Variants in RBPMS observed in about 807,000 individuals in gnomAD.
The protein encoded by RBPMS is RNA-binding protein with multiple splicing.
RBPMS carries 7 observed loss-of-function variants against 26.8 expected under a neutral mutation model. The ratio of observed to expected loss-of-function variants is 0.26; its 90% confidence interval spans 0.15 to 0.49. RBPMS has a LOEUF of 0.49. Among genes scored for constraint, RBPMS ranks in the 20% least tolerant of loss-of-function variants. The probability of loss-of-function intolerance (pLI) is 0.98; values close to 1 mark genes in which losing one functional copy is unlikely to be tolerated. For synonymous variants in RBPMS, 96 were observed against 93.3 expected, an observed-to-expected ratio of 1.03 and a Z score of -0.17; for missense variants, 186 against 250.0, an observed-to-expected ratio of 0.74 and a Z score of 1.73.
intron 4 of RBPMS, among the ~76,000 whole-genome samples, chr8:30,502,733 G>T (rs1330284517): frequency 6.6e-6 from 1 of 152,152 alleles, no homozygotes; most frequent in East Asian, 1.9e-4. Context: ...GCTTTGTTAG[G>T]GTGGAAGTTG....
chr8:30,558,353 G>C (rs1827150140), intron 6 of RBPMS: 1 of 171,180 alleles, frequency 5.8e-6, no homozygotes, highest in Admixed American at 5.7e-5. Context: ...AGGGTGAACA[G>C]AGGGCCTGGG....
At chr8:30,507,132 A>T (rs1821155626) in intron 5 of RBPMS, among the ~76,000 whole-genome samples, 14 of 152,174 alleles carry the variant, frequency 9.2e-5, no homozygotes, top group Admixed American at 9.2e-4. Context: ...GTTGCAACTT[A>T]GCTGGGTAGA....
At chr8:30,538,030 A>G (rs1434131687) in intron 5 of RBPMS, among the ~76,000 whole-genome samples, 3 of 152,226 alleles carry the variant, frequency 2.0e-5, no homozygotes, top group African/African-American at 4.8e-5. Flanking sequence ...GTAGAAATCA[A>G]TGCTATAGGT....
At chr8:30,433,413 C>T (rs1812141144) in intron 1 of RBPMS, among the ~76,000 whole-genome samples, 1 of 152,122 alleles carries the variant, frequency 6.6e-6, no homozygotes, top group African/African-American at 2.4e-5. Context: ...GAGTAATTTA[C>T]CAGGTTCTAC....
rs551957888 is a variant in RBPMS at position 30,500,067 on chromosome 8, TC to T, written c.247-4216del. Among the ~76,000 whole-genome samples the T allele has an allele frequency of 2.0e-5, 3 of 152,338 alleles. No individual in the cohort carries two copies. In the South Asian group the frequency reaches 6.2e-4, roughly 32 times the overall value. On this transcript the variant is annotated intron_variant, in intron 4 of 8. Transcript: ENST00000397323. ...AAAACATAGCTGGTTGAATGCTGTG[TC>T]CCAGTAGGAAATCCCTTATTCCACC...
intron 5 of RBPMS, among the ~76,000 whole-genome samples, chr8:30,508,451 C>T (rs1821275234): frequency 6.6e-6 from 1 of 152,142 alleles, no homozygotes; most frequent in African/African-American, 2.4e-5. Context: ...TCTCAGTTTT[C>T]TCAGCTACAC....
chr8:30,438,408 G>C (rs1020275825), intron 1 of RBPMS, among the ~76,000 whole-genome samples: 3 of 152,206 alleles, frequency 2.0e-5, no homozygotes, highest in African/African-American at 7.2e-5. Context: ...ATTACTGCAA[G>C]GAAGGAGGAA....
intron 5 of RBPMS, among the ~76,000 whole-genome samples, chr8:30,532,386 T>C (rs1436112140): frequency 2.6e-5 from 4 of 152,226 alleles, no homozygotes; most frequent in African/African-American, 9.6e-5. Context: ...TCCTTACCTT[T>C]TTTCCTATAT....
chr8:30,478,968 A>C (rs1817993612), intron 3 of RBPMS, among the ~76,000 whole-genome samples: 1 of 152,200 alleles, frequency 6.6e-6, no homozygotes, highest in Non-Finnish European at 1.5e-5. Flanking sequence ...AGATGAAGAA[A>C]CTGAGGTACA....
intron 1 of RBPMS, among the ~76,000 whole-genome samples, chr8:30,438,293 CT>C (rs1812697260): frequency 6.6e-6 from 1 of 152,178 alleles, no homozygotes; most frequent in South Asian, 2.1e-4. Flanking sequence ...TTAGTCATTA[CT>C]TTTATCAGGT....
At chr8:30,521,455 G>A (rs1490031601) in intron 5 of RBPMS, among the ~76,000 whole-genome samples, 1 of 152,162 alleles carries the variant, frequency 6.6e-6, no homozygotes, top group African/African-American at 2.4e-5. Context: ...TTCGTTGTAC[G>A]TTTATGAAGA....
chr8:30,529,226 A>T (rs2151006001), intron 5 of RBPMS, among the ~76,000 whole-genome samples: 1 of 152,256 alleles, frequency 6.6e-6, no homozygotes, highest in East Asian at 1.9e-4. Flanking sequence ...AAGGAAAAAA[A>T]AAAAATTGTG....
intron 1 of RBPMS, among the ~76,000 whole-genome samples, chr8:30,423,106 T>G (rs899902154): frequency 6.6e-6 from 1 of 152,190 alleles, no homozygotes; most frequent in Admixed American, 6.5e-5. Context: ...GGAGAGCTGC[T>G]CAGCCTCACT....
chr8:30,560,522 C>T (rs1827370913), intron 7 of RBPMS, among the ~76,000 whole-genome samples: 1 of 152,194 alleles, frequency 6.6e-6, no homozygotes, highest in Non-Finnish European at 1.5e-5. Context: ...ACATCAGCAT[C>T]AGGAAGCTAA....
intron 6 of RBPMS, chr8:30,556,001 A>C: frequency 1.0e-6 from 1 of 985,366 alleles, no homozygotes; most frequent in Non-Finnish European, 1.2e-6. Flanking sequence ...AGCCGCTCAG[A>C]CTTGGCCAGG....
chr8:30,454,510 C>T (rs909098081), intron 1 of RBPMS, among the ~76,000 whole-genome samples: 3 of 152,184 alleles, frequency 2.0e-5, no homozygotes, highest in African/African-American at 7.2e-5. Flanking sequence ...GAGTGTGCTT[C>T]AACCTCAGGG....
At chr8:30,488,530 A>G (rs1819037795) in intron 4 of RBPMS, among the ~76,000 whole-genome samples, 1 of 152,190 alleles carries the variant, frequency 6.6e-6, no homozygotes, top group South Asian at 2.1e-4. Context: ...ACCTCTTAGA[A>G]TGCTCAATAA....
chr8:30,480,695 C>A (rs1003091958), intron 4 of RBPMS, among the ~76,000 whole-genome samples: 1 of 152,140 alleles, frequency 6.6e-6, no homozygotes, highest in South Asian at 2.1e-4. Context: ...CACCGAAGCA[C>A]GGTGTATAAT....
At chr8:30,551,436 C>G (rs966994018) in intron 6 of RBPMS, among the ~76,000 whole-genome samples, 6 of 152,198 alleles carry the variant, frequency 3.9e-5, no homozygotes, top group Non-Finnish European at 8.8e-5. Flanking sequence ...CAGTATTATT[C>G]AGGATTGCCA....
Sources: allele counts gnomAD v4.1 joint callset (sites outside exome capture counted in the v4.1 genomes callset), GRCh38; gene constraint gnomAD v4.1.1; transcripts MANE v1.5; gene names NCBI Gene and HGNC (gene_info 2026-07-23, HGNC 2026-07-21).